The following RAD51B variants were observed in gnomAD, a reference collection of about 807,000 sequenced individuals.
The protein encoded by RAD51B is DNA repair protein RAD51 homolog 2.
In RAD51B, 38 loss-of-function variants were observed where a neutral mutation model predicts 42.2. That is an observed-to-expected ratio of 0.90 (90% CI 0.70 to 1.18). The LOEUF (loss-of-function observed/expected upper bound fraction) is 1.18, where lower values mean the gene tolerates loss of function less well. Ranked by LOEUF, RAD51B falls within the 50% of genes most tolerant of loss-of-function variation. The probability of loss-of-function intolerance (pLI) is 0.00; values close to 1 mark genes in which losing one functional copy is unlikely to be tolerated. For synonymous variants in RAD51B, 154 were observed against 145.2 expected, an observed-to-expected ratio of 1.06 and a Z score of -0.43; for missense variants, 373 against 400.7, an observed-to-expected ratio of 0.93 and a Z score of 0.59.
chr14:68,087,150 G>C (rs1156377816), intron 7 of RAD51B, among the ~76,000 whole-genome samples: 1 of 149,250 alleles, frequency 6.7e-6, no homozygotes, highest in Admixed American at 6.6e-5. Flanking sequence ...AAAAAAAAAA[G>C]AGAGAGAGAG....
intron 7 of RAD51B, among the ~76,000 whole-genome samples, chr14:67,940,004 CTG>C (rs1200292687): frequency 6.3e-5 from 6 of 95,922 alleles, no homozygotes; most frequent in African/African-American, 1.6e-4. Context: ...ATATATAAAA[CTG>C]TAACATTTGA....
chr14:68,108,208 C>T (rs2077405602), intron 7 of RAD51B, among the ~76,000 whole-genome samples: 1 of 151,770 alleles, frequency 6.6e-6, no homozygotes, highest in South Asian at 2.1e-4. Context: ...AAAATGGGAA[C>T]TCACATTCCT....
chr14:68,146,828 A>G (rs1566681201), intron 7 of RAD51B, among the ~76,000 whole-genome samples: 1 of 151,930 alleles, frequency 6.6e-6, no homozygotes, highest in Admixed American at 6.6e-5. Flanking sequence ...CAGTGTTGGG[A>G]GGGGGTGTTC....
intron 9 of RAD51B, among the ~76,000 whole-genome samples, chr14:68,428,554 T>C (rs2084908694): frequency 6.6e-6 from 1 of 151,684 alleles, no homozygotes; most frequent in South Asian, 2.1e-4. Context: ...TCCCTGGAAA[T>C]CATCATTCAT....
intron 7 of RAD51B, among the ~76,000 whole-genome samples, chr14:68,061,135 C>T (rs1261633751): frequency 7.4e-6 from 1 of 135,828 alleles, no homozygotes; most frequent in Non-Finnish European, 1.5e-5. Context: ...GTCTCTCAAT[C>T]TTGGCTCACT....
chr14:67,952,231 A>C (rs1042206560), intron 7 of RAD51B, among the ~76,000 whole-genome samples: 8 of 151,442 alleles, frequency 5.3e-5, no homozygotes, highest in Non-Finnish European at 1.0e-4. Context: ...AAAAAAGATA[A>C]CTGGAAGTTA....
At chr14:68,573,971 A>AGTGTGTGTGT (rs1555427935) in intron 10 of RAD51B, among the ~76,000 whole-genome samples, 3 of 81,354 alleles carry the variant, frequency 3.7e-5, no homozygotes, top group Non-Finnish European at 7.2e-5. Flanking sequence ...TGTGGGTGTC[A>AGTGTGTGTGT]GTGTGTGTAT....
At chr14:67,940,670 G>A (rs1280245460) in intron 7 of RAD51B, among the ~76,000 whole-genome samples, 2 of 151,922 alleles carry the variant, frequency 1.3e-5, no homozygotes, top group African/African-American at 4.8e-5. Context: ...CTCAGTGTGT[G>A]TGTTTGTATC....
At chr14:68,609,728 G>A (rs139917074) in intron 10 of RAD51B, among the ~76,000 whole-genome samples, 54 of 152,140 alleles carry the variant, frequency 3.5e-4, no homozygotes, top group South Asian at 4.1e-4. Flanking sequence ...CTTGTCCCCC[G>A]TATCACACAC....
intron 8 of RAD51B, among the ~76,000 whole-genome samples, chr14:68,392,123 A>G (rs192477004): frequency 1.6e-4 from 25 of 152,350 alleles, no homozygotes; most frequent in South Asian, 4.1e-4. Context: ...CACCACCTGT[A>G]TAATCTGGTT....
intron 8 of RAD51B, among the ~76,000 whole-genome samples, chr14:68,295,857 A>G (rs1322033145): frequency 2.0e-5 from 3 of 152,144 alleles, no homozygotes; most frequent in African/African-American, 7.2e-5. Flanking sequence ...GAAATCTATT[A>G]CAGGACAGGG....
At chr14:67,935,541 T>G (rs1364772930) in intron 7 of RAD51B, among the ~76,000 whole-genome samples, 3 of 152,096 alleles carry the variant, frequency 2.0e-5, no homozygotes, top group South Asian at 2.1e-4. Context: ...ATTTTAAAAT[T>G]TTTTTGTAGA....
At chr14:68,102,828 T>A (rs1384282939) in intron 7 of RAD51B, among the ~76,000 whole-genome samples, 3 of 152,108 alleles carry the variant, frequency 2.0e-5, no homozygotes, top group Admixed American at 6.6e-5. Flanking sequence ...GTTCTTATGC[T>A]GCTAATAAAG....
In RAD51B at chr14:68,185,743, A is replaced by C. The variant is rs1031234426; in HGVS notation, c.757-106141A>C. ...CAGGCATTAAATTCTCATAAAGAGCACACAACCTAGATCCCTCAAATGTGC... is the reference window on the plus strand; with the variant it reads ...CAGGCATTAAATTCTCATAAAGAGCCCACAACCTAGATCCCTCAAATGTGC... On this transcript the variant is annotated intron_variant, in intron 7 of 10. Coordinates refer to ENST00000471583, the MANE Select transcript of RAD51B (RefSeq NM_133510.4). Among the ~76,000 whole-genome samples, 8 of 152,138 alleles carry C rather than the reference A, an allele frequency of 5.3e-5. No individual in the cohort carries two copies. The East Asian group carries it at 1.2e-3, about 22-fold the overall frequency.
chr14:68,637,665 A>T (rs1892368927), intron 10 of RAD51B, among the ~76,000 whole-genome samples: 1 of 152,214 alleles, frequency 6.6e-6, no homozygotes, highest in African/African-American at 2.4e-5. Flanking sequence ...CCCGGCAAGG[A>T]GACAATTGTG....
intron 10 of RAD51B, chr14:68,563,636 A>T: frequency 5.1e-6 from 5 of 985,454 alleles, no homozygotes; most frequent in Non-Finnish European, 6.0e-6. Context: ...TTGGCTTGAA[A>T]AATGGGCCAT....
At chr14:68,202,686 G>A (rs1045399728) in intron 7 of RAD51B, among the ~76,000 whole-genome samples, 1 of 147,700 alleles carries the variant, frequency 6.8e-6, no homozygotes, top group Non-Finnish European at 1.5e-5. Flanking sequence ...GGGTTAAAGC[G>A]ATTCTCCTGC....
intron 4 of RAD51B, among the ~76,000 whole-genome samples, chr14:67,838,801 A>G (rs1201390666): frequency 7.6e-6 from 1 of 132,276 alleles, no homozygotes; most frequent in Non-Finnish European, 1.7e-5. Context: ...CTAGATAAAA[A>G]AGTAAAAAAA....
At chr14:68,338,261 C>A (rs1237649232) in intron 8 of RAD51B, among the ~76,000 whole-genome samples, 1 of 152,208 alleles carries the variant, frequency 6.6e-6, no homozygotes, top group African/African-American at 2.4e-5. Flanking sequence ...ACCCAGGCAA[C>A]TAGTCCCTGT....
Sources: allele counts gnomAD v4.1 joint callset (sites outside exome capture counted in the v4.1 genomes callset), GRCh38; gene constraint gnomAD v4.1.1; transcripts MANE v1.5; gene names NCBI Gene and HGNC (gene_info 2026-07-23, HGNC 2026-07-21).